The following CSMD1 variants were observed in gnomAD, a reference collection of about 807,000 sequenced individuals.
CSMD1 encodes the protein CUB and Sushi multiple domains 1, also known as CUB and sushi domain-containing protein 1.
A neutral mutation model predicts 417.5 loss-of-function variants in CSMD1; 213 were observed. The ratio of observed to expected loss-of-function variants is 0.51; its 90% confidence interval spans 0.46 to 0.57. CSMD1 has a LOEUF of 0.57. Among genes scored for constraint, CSMD1 ranks in the 20% least tolerant of loss-of-function variants. The pLI is 0.00. For synonymous variants in CSMD1, 2,862 were observed against 1,736.8 expected (o/e 1.65, Z -16.11); for missense variants, 6,923 against 4,529.7 (o/e 1.53, Z -15.17).
At chr8:3,875,909 T>C (rs951876350) in intron 5 of CSMD1, among the ~76,000 whole-genome samples, 1 of 152,168 alleles carries the variant, frequency 6.6e-6, no homozygotes, top group Non-Finnish European at 1.5e-5. Context: ...AATTTCCATG[T>C]TTCTCTTTAT....
At chr8:4,115,147 A>G (rs984459306) in intron 3 of CSMD1, among the ~76,000 whole-genome samples, 1 of 152,200 alleles carries the variant, frequency 6.6e-6, no homozygotes, top group Non-Finnish European at 1.5e-5. Context: ...GCAAAATATC[A>G]ATATCTCATT....
intron 1 of CSMD1, among the ~76,000 whole-genome samples, chr8:4,881,705 G>C (rs1431458867): frequency 1.3e-5 from 2 of 151,492 alleles, no homozygotes; most frequent in African/African-American, 2.4e-5. Flanking sequence ...CCTTCCACTT[G>C]ATATTTTGAA....
At chr8:4,381,646 C>T (rs1006586783) in intron 3 of CSMD1, among the ~76,000 whole-genome samples, 5 of 152,190 alleles carry the variant, frequency 3.3e-5, no homozygotes, top group African/African-American at 1.2e-4. Flanking sequence ...TGTAGGCAAC[C>T]ATCCCCCAAC....
chr8:3,449,985 C>G (rs1044217896), intron 12 of CSMD1, among the ~76,000 whole-genome samples: 1 of 152,198 alleles, frequency 6.6e-6, no homozygotes, highest in Non-Finnish European at 1.5e-5. Flanking sequence ...AGTGGAAAAG[C>G]CAGACGGGAG....
chr8:4,237,997 C>A (rs148751527), intron 3 of CSMD1, among the ~76,000 whole-genome samples: 3 of 152,152 alleles, frequency 2.0e-5, no homozygotes, highest in African/African-American at 4.8e-5. Flanking sequence ...CATGCACAGG[C>A]CTACTGGGCG....
chr8:4,778,141 T>C (rs1405117584), intron 1 of CSMD1, among the ~76,000 whole-genome samples: 1 of 152,166 alleles, frequency 6.6e-6, no homozygotes, highest in African/African-American at 2.4e-5. Flanking sequence ...TAAATTAATA[T>C]AAATATACAT....
At chr8:4,270,846 A>G (rs1056620021) in intron 3 of CSMD1, among the ~76,000 whole-genome samples, 9 of 151,982 alleles carry the variant, frequency 5.9e-5, no homozygotes, top group African/African-American at 2.2e-4. Flanking sequence ...TTCCCCACTT[A>G]CTCACTGATG....
intron 33 of CSMD1, among the ~76,000 whole-genome samples, chr8:3,194,349 G>A (rs1181699396): frequency 1.3e-5 from 2 of 151,744 alleles, no homozygotes; most frequent in Non-Finnish European, 2.9e-5. Flanking sequence ...TACCCAAACT[G>A]AGAAAAAAAT....
intron 3 of CSMD1, among the ~76,000 whole-genome samples, chr8:4,228,221 T>C (rs1230553148): frequency 1.3e-5 from 2 of 152,196 alleles, no homozygotes; most frequent in Non-Finnish European, 2.9e-5. Context: ...GCTGTATCAT[T>C]CCCTTCACTG....
At chr8:4,052,731 C>A (rs1405072719) in intron 3 of CSMD1, among the ~76,000 whole-genome samples, 1 of 151,736 alleles carries the variant, frequency 6.6e-6, no homozygotes, top group African/African-American at 2.4e-5. Context: ...AGCTCATCAC[C>A]ACATGATAAA....
intron 23 of CSMD1, among the ~76,000 whole-genome samples, chr8:3,329,583 C>G (rs1213021806): frequency 6.6e-6 from 1 of 152,202 alleles, no homozygotes; most frequent in Non-Finnish European, 1.5e-5. Context: ...CGTATTTACC[C>G]TTCTCATGTA....
chr8:4,774,803 C>T (rs1383434457), intron 1 of CSMD1, among the ~76,000 whole-genome samples: 9 of 152,074 alleles, frequency 5.9e-5, no homozygotes, highest in Non-Finnish European at 1.2e-4. Context: ...CCGCCAACCC[C>T]CACTCGCTCT....
At chr8:3,725,250 T>A (rs142263608) in intron 6 of CSMD1, among the ~76,000 whole-genome samples, 1 of 151,916 alleles carries the variant, frequency 6.6e-6, no homozygotes, top group Non-Finnish European at 1.5e-5. Flanking sequence ...AAGGTGTGGG[T>A]TGAGAGGTAA....
At chr8:3,100,903 G>A (rs1425861487) in intron 46 of CSMD1, among the ~76,000 whole-genome samples, 7 of 152,132 alleles carry the variant, frequency 4.6e-5, no homozygotes, top group Non-Finnish European at 7.3e-5. Context: ...GGCTGCCCCA[G>A]AGCCCTTGTG....
chr8:4,113,457 T>A (rs968982048), intron 3 of CSMD1, among the ~76,000 whole-genome samples: 1 of 129,350 alleles, frequency 7.7e-6, no homozygotes, highest in Non-Finnish European at 1.6e-5. Flanking sequence ...CAGGCTGGAC[T>A]GCAATGGTGC....
chr8:3,558,317 T>C (rs1428818750), intron 10 of CSMD1, among the ~76,000 whole-genome samples: 5 of 138,198 alleles, frequency 3.6e-5, no homozygotes, highest in South Asian at 2.3e-4. Flanking sequence ...ACTCCTCCAA[T>C]GATGAATGAT....
chr8:4,253,064 A>G (rs1803193662), intron 3 of CSMD1, among the ~76,000 whole-genome samples: 1 of 152,238 alleles, frequency 6.6e-6, no homozygotes, highest in African/African-American at 2.4e-5. Flanking sequence ...CGATGAGACT[A>G]CAAGCTCTTA....
intron 2 of CSMD1, among the ~76,000 whole-genome samples, chr8:4,617,811 C>A (rs1585338496): frequency 6.6e-6 from 1 of 152,066 alleles, no homozygotes; most frequent in South Asian, 2.1e-4. Context: ...AATTTTTTAT[C>A]TCCCTCCTCC....
chr8:4,403,543 T>A lies in CSMD1; in HGVS notation c.415+16410A>T, dbSNP rs552873752. 2.1e-4 allele frequency among the ~76,000 whole-genome samples: 32 copies of A among 152,302 alleles called. No individual in the cohort carries two copies. In the East Asian group the frequency reaches 5.0e-3, roughly 24 times the overall value. On this transcript the variant is annotated intron_variant, in intron 3 of 69. Coordinates refer to ENST00000635120, the MANE Select transcript of CSMD1 (RefSeq NM_033225.6). ...ATGACTTAGTATCATTCGCCAGGGC[T>A]GATCACCTCTTCCTTCCTGAAAGGC...
Sources: gnomAD v4.1 joint callset for allele counts (sites outside exome capture counted in the v4.1 genomes callset) on GRCh38, gnomAD v4.1.1 for gene constraint, MANE v1.5 for transcripts, NCBI Gene and HGNC (gene_info 2026-07-23, HGNC 2026-07-21) for gene names.